LRBA: variants seen among roughly 807,000 people sequenced by gnomAD.
LRBA encodes LPS responsive beige-like anchor protein.
LRBA carries 176 observed loss-of-function variants against 330.0 expected under a neutral mutation model. The ratio of observed to expected loss-of-function variants is 0.53; its 90% CI spans 0.47 to 0.60. The LOEUF (loss-of-function observed/expected upper bound fraction) is 0.60, where lower values mean the gene tolerates loss of function less well. LRBA is among the 20% of genes least tolerant of loss of function. LRBA has a pLI of 0.00. For synonymous variants in LRBA, 1,230 were observed against 1,193.0 expected (o/e 1.03, Z -0.64); for missense variants, 3,259 against 3,444.8 (o/e 0.95, Z 1.35).
Position 150,905,994 on chromosome 4 carries a change from C to A in LRBA, c.1603-4G>T, listed in dbSNP as rs143754610. On this transcript the variant is annotated splice_polypyrimidine_tract_variant and splice_region_variant and intron_variant, in intron 12 of 56. Transcript: ENST00000651943. ...TGCTAACATGAGATTTGGAAGACTG[C>A]AAAAAAAGTAGTTCAAATGTTACCA... 0.01 allele frequency: 16,100 copies of A among 1,608,056 alleles called. 694 individuals are homozygous for A. Among genetic ancestry groups the A allele is most frequent in the Admixed American group, 0.08 (4,711 of 58,934 alleles).
At chr4:150,518,190 G>C (rs1177819000) in intron 40 of LRBA, among the ~76,000 whole-genome samples, 1 of 152,126 alleles carries the variant, frequency 6.6e-6, no homozygotes, top group African/African-American at 2.4e-5. Flanking sequence ...TAAAATAAGG[G>C]TTACTTGAAC....
chr4:150,961,154 G>A lies in LRBA; in HGVS notation c.217-32089C>T, dbSNP rs377585213. 1.1e-4 allele frequency among the ~76,000 whole-genome samples: 16 copies of A among 149,328 alleles called. No homozygotes were observed. In the South Asian group the frequency reaches 2.1e-3, roughly 19 times the overall value. On this transcript the variant is annotated intron_variant, in intron 2 of 56. Transcript: ENST00000651943. ...GGCTGTAGATGAGATTCAGCTGTGG[G>A]TGGCCTCAGCTCACCAACCACTGCC... is the stretch of plus-strand genomic sequence containing the variant.
Position 150,582,651 on chromosome 4 carries a change from A to G in LRBA, c.6330+5397T>C, listed in dbSNP as rs1019897724. ...GGACAATCTCGGCTGCAGACATCTAAGCCTAACCTTTTGGTATCCTGAGTT... is the reference window on the plus strand; with the variant it reads ...GGACAATCTCGGCTGCAGACATCTAGGCCTAACCTTTTGGTATCCTGAGTT... On this transcript the variant is annotated intron_variant, in intron 40 of 56. Coordinates refer to ENST00000651943, the MANE Select transcript of LRBA (RefSeq NM_001364905.1). The G allele has an allele frequency of 1.6e-5, 3 of 191,602 alleles. No individual in the cohort carries two copies. The South Asian group carries it at 4.3e-4, about 27-fold the overall frequency. The allele number at this position is 191,602 out of a possible 1,614,324, so 11.9% of individuals were successfully genotyped here.
chr4:150,711,096 A>T (rs1050143488), intron 36 of LRBA, among the ~76,000 whole-genome samples: 1 of 152,018 alleles, frequency 6.6e-6, no homozygotes, highest in Non-Finnish European at 1.5e-5. Flanking sequence ...ATGAAAAAAA[A>T]TTGCCTTACC....
intron 48 of LRBA, among the ~76,000 whole-genome samples, chr4:150,331,119 T>C (rs1329476382): frequency 1.3e-5 from 2 of 152,196 alleles, no homozygotes; most frequent in South Asian, 2.1e-4. Context: ...ATTGTCTCAC[T>C]ATAGTAGTAA....
chr4:150,321,181 C>G lies in LRBA; in HGVS notation c.7630+10G>C, dbSNP rs57901153. The stretch of plus-strand genomic sequence containing the variant: ...GTTACCATGCCTTATAATGGTATTT[C>G]TTTACTTACCAGGAAGGTTGTGCCA... On this transcript the variant is annotated intron_variant, in intron 50 of 56. Transcript: ENST00000651943. The surrounding 1 kb of genome is among the most constrained non-coding windows in gnomAD (Gnocchi z 4.5). 4.9e-3 allele frequency: 7,880 copies of G among 1,604,520 alleles called. 226 individuals carry two copies. The African/African-American group carries it at 0.071, about 14-fold the overall frequency.
At position 150,848,231 on chromosome 4, in the gene LRBA, T is replaced by C. The variant is rs562737683; in HGVS notation, c.4339+587A>G. Among the ~76,000 whole-genome samples the C allele has an allele frequency of 5.9e-5, 9 of 152,188 alleles. No homozygotes were observed. In the East Asian group the frequency reaches 1.4e-3, roughly 23 times the overall value. ...GGTTTCACCATGTTGGCCAGGCTGG[T>C]CTTGAACTCCTGACCTCAGGGGATC... On this transcript the variant is annotated intron_variant, in intron 26 of 56. Transcript: ENST00000651943.
intron 40 of LRBA, among the ~76,000 whole-genome samples, chr4:150,557,311 T>C (rs1467353884): frequency 6.6e-6 from 1 of 152,094 alleles, no homozygotes; most frequent in Non-Finnish European, 1.5e-5. Flanking sequence ...GATGGATAAA[T>C]ACATGGGGAA....
intron 44 of LRBA, among the ~76,000 whole-genome samples, chr4:150,464,839 C>T (rs900580706): frequency 2.2e-4 from 33 of 152,080 alleles, no homozygotes; most frequent in Admixed American, 2.0e-3. Flanking sequence ...AACACACAAG[C>T]ACTTTTTCAA....
At chr4:150,855,040 C>T (rs888153542) in intron 22 of LRBA, among the ~76,000 whole-genome samples, 5 of 152,072 alleles carry the variant, frequency 3.3e-5, no homozygotes, top group Non-Finnish European at 7.4e-5. Flanking sequence ...GGCAGATCAC[C>T]TGAGGTCAGG....
intron 36 of LRBA, among the ~76,000 whole-genome samples, chr4:150,711,466 G>A (rs1018553456): frequency 1.3e-5 from 2 of 151,902 alleles, no homozygotes; most frequent in African/African-American, 2.4e-5. Context: ...TCGAACTCCT[G>A]ATCTCAAGTG....
chr4:150,812,620 G>A (rs1743910636), intron 31 of LRBA, among the ~76,000 whole-genome samples: 1 of 151,962 alleles, frequency 6.6e-6, no homozygotes, highest in African/African-American at 2.4e-5. Context: ...AAGCCTATTG[G>A]CCTAAATCTT....
rs773992229 is a variant in LRBA, at chr4:150,831,798, A to T, written c.4729+19T>A. 3.8e-6 allele frequency: 6 copies of T among 1,567,522 alleles called. No individual in the cohort carries two copies. In the African/African-American group the frequency reaches 8.2e-5, roughly 21 times the overall value. On this transcript the variant is annotated intron_variant, in intron 29 of 56. Coordinates refer to ENST00000651943, the MANE Select transcript of LRBA (RefSeq NM_001364905.1). The stretch of plus-strand genomic sequence containing the variant: ...TTTATTTGAACTTTGGTACAAAGGA[A>T]TAGAAAATGCAAACTTACCAGAGAG...
At chr4:150,488,953 CAT>C (rs1314880774) in intron 41 of LRBA, among the ~76,000 whole-genome samples, 1 of 124,994 alleles carries the variant, frequency 8.0e-6, no homozygotes, top group Non-Finnish European at 1.6e-5. Context: ...ATATATATAA[CAT>C]ATAATATATT....
rs577748531 is a variant in LRBA, at chr4:150,845,703, A to G, written c.4340-924T>C. ...AAAGAAAGTGTTCTGAAAGGTGCCC[A>G]AAGAGAGCAATAAAAGTTGAAAGAA... is the stretch of plus-strand genomic sequence containing the variant. On this transcript the variant is annotated intron_variant, in intron 26 of 56. Coordinates refer to ENST00000651943, the MANE Select transcript of LRBA (RefSeq NM_001364905.1). Among the ~76,000 whole-genome samples the G allele has an allele frequency of 4.6e-5, 7 of 152,332 alleles. No individual in the cohort carries two copies. In the South Asian group the frequency reaches 1.5e-3, roughly 32 times the overall value.
At chr4:150,379,171 C>T (rs1033197021) in intron 47 of LRBA, among the ~76,000 whole-genome samples, 9 of 151,520 alleles carry the variant, frequency 5.9e-5, no homozygotes, top group Non-Finnish European at 1.2e-4. Flanking sequence ...GGTGTGGTGG[C>T]GGGCACCTGT....
chr4:150,703,887 A>G (rs1437780297), intron 36 of LRBA, among the ~76,000 whole-genome samples: 2 of 152,252 alleles, frequency 1.3e-5, no homozygotes, highest in East Asian at 3.9e-4. Context: ...CTCAAAATAT[A>G]AAGAACAGAA....
intron 47 of LRBA, among the ~76,000 whole-genome samples, chr4:150,383,632 G>A (rs180695572): frequency 5.9e-4 from 90 of 152,252 alleles, no homozygotes; most frequent in African/African-American, 2.1e-3. Flanking sequence ...AGTCTGCCAC[G>A]CAGGTATCAT....
At chr4:150,762,176 G>C (rs1353067571) in intron 34 of LRBA, among the ~76,000 whole-genome samples, 1 of 151,828 alleles carries the variant, frequency 6.6e-6, no homozygotes, top group East Asian at 1.9e-4. Context: ...TTTGGTTTTG[G>C]CTTTGTTTTT....
Sources: allele counts gnomAD v4.1 joint callset (sites outside exome capture counted in the v4.1 genomes callset), GRCh38; gene constraint gnomAD v4.1.1; non-coding constraint Gnocchi (gnomAD v3.1); transcripts MANE v1.5; gene names NCBI Gene and HGNC (gene_info 2026-07-23, HGNC 2026-07-21).